GABRG3: variants seen among roughly 807,000 people sequenced by gnomAD.
The protein encoded by GABRG3 is gamma-aminobutyric acid type A receptor subunit gamma3.
In GABRG3, 25 loss-of-function variants were observed where a neutral mutation model predicts 48.8. The ratio of observed to expected loss-of-function variants is 0.51; its 90% confidence interval spans 0.37 to 0.72. GABRG3 has a LOEUF of 0.72. GABRG3 is among the 30% of genes least tolerant of loss of function. The pLI, the probability that GABRG3 is intolerant of heterozygous loss-of-function variation, is 0.00. For synonymous variants in GABRG3, 227 were observed against 217.6 expected, an observed-to-expected ratio of 1.04 and a Z score of -0.38; for missense variants, 394 against 577.9, an observed-to-expected ratio of 0.68 and a Z score of 3.26.
chr15:27,093,669 T>A (rs993686105), intron 3 of GABRG3, among the ~76,000 whole-genome samples: 13 of 152,166 alleles, frequency 8.5e-5, no homozygotes, highest in African/African-American at 2.9e-4. Context: ...GATATCAGGC[T>A]AGAAAATTTT....
chr15:27,316,518 G>C (rs1051820739), intron 3 of GABRG3, among the ~76,000 whole-genome samples: 1 of 152,122 alleles, frequency 6.6e-6, no homozygotes, highest in Non-Finnish European at 1.5e-5. Flanking sequence ...AAGGTCATTG[G>C]TCAGATTAAA....
intron 5 of GABRG3, among the ~76,000 whole-genome samples, chr15:27,375,671 A>ATTT (rs1895571941): frequency 1.3e-5 from 2 of 152,182 alleles, no homozygotes; most frequent in South Asian, 4.1e-4. Flanking sequence ...GGAGACTCCC[A>ATTT]TTTTTAAAAC....
intron 3 of GABRG3, among the ~76,000 whole-genome samples, chr15:27,307,800 T>C (rs1249700806): frequency 1.6e-5 from 2 of 128,056 alleles, no homozygotes; most frequent in African/African-American, 5.7e-5. Flanking sequence ...ATATATAAAA[T>C]AAACATAAAC....
chr15:26,987,443 T>A (rs1895173030), intron 2 of GABRG3, among the ~76,000 whole-genome samples: 1 of 152,242 alleles, frequency 6.6e-6, no homozygotes, highest in South Asian at 2.1e-4. Context: ...GATCCTCTTA[T>A]GAAGTATTAC....
intron 3 of GABRG3, among the ~76,000 whole-genome samples, chr15:27,029,593 T>C (rs55833084): frequency 2.6e-5 from 4 of 152,170 alleles, no homozygotes; most frequent in African/African-American, 9.7e-5. Flanking sequence ...ATGTTCTCCT[T>C]GGGTGAGTTG....
intron 6 of GABRG3, among the ~76,000 whole-genome samples, chr15:27,516,677 A>C (rs1891026856): frequency 6.6e-6 from 1 of 152,228 alleles, no homozygotes; most frequent in Non-Finnish European, 1.5e-5. Context: ...ACTGAGAGCA[A>C]ATAAATGCAT....
chr15:27,246,616 T>C lies in GABRG3; in HGVS notation c.271-80193T>C, dbSNP rs1313628019. 4.6e-5 allele frequency among the ~76,000 whole-genome samples: 7 copies of C among 152,204 alleles called. No homozygotes were observed. The East Asian group carries it at 1.3e-3, about 29-fold the overall frequency. ...TTTTTTATGTTGGCTTTAAGTAATA[T>C]CAAATTTGGGCAAATGTTATAGTTA... On this transcript the variant is annotated intron_variant, in intron 3 of 9. Coordinates refer to ENST00000615808, the MANE Select transcript of GABRG3 (RefSeq NM_033223.5).
chr15:27,135,219 T>C (rs1595544178), intron 3 of GABRG3, among the ~76,000 whole-genome samples: 1 of 152,216 alleles, frequency 6.6e-6, no homozygotes, highest in Non-Finnish European at 1.5e-5. Flanking sequence ...GGGATTGATA[T>C]ATGGCATATG....
chr15:27,217,744 C>T (rs1889309801), intron 3 of GABRG3, among the ~76,000 whole-genome samples: 3 of 152,230 alleles, frequency 2.0e-5, no homozygotes, highest in African/African-American at 7.2e-5. Context: ...ACATTCTACT[C>T]TCAACATAGG....
At chr15:27,467,692 C>T (rs1303778792) in intron 5 of GABRG3, among the ~76,000 whole-genome samples, 1 of 152,196 alleles carries the variant, frequency 6.6e-6, no homozygotes. Context: ...ACCTCATGTG[C>T]CAGTTATTCC....
At chr15:27,217,068 G>C (rs371189187) in intron 3 of GABRG3, among the ~76,000 whole-genome samples, 2 of 149,130 alleles carry the variant, frequency 1.3e-5, no homozygotes, top group Non-Finnish European at 3.0e-5. Context: ...GAGAATGATG[G>C]TTTCCAATTT....
chr15:27,130,388 G>T (rs976607389), intron 3 of GABRG3, among the ~76,000 whole-genome samples: 5 of 151,976 alleles, frequency 3.3e-5, no homozygotes, highest in African/African-American at 1.2e-4. Flanking sequence ...TGGGCTCTTT[G>T]TTCCACTGGT....
chr15:27,444,409 C>G (rs992009146), intron 5 of GABRG3, among the ~76,000 whole-genome samples: 1 of 152,114 alleles, frequency 6.6e-6, no homozygotes, highest in Non-Finnish European at 1.5e-5. Flanking sequence ...TTTATTTTCT[C>G]TTAAAGTCCA....
chr15:27,169,226 A>T (rs1322595754), intron 3 of GABRG3, among the ~76,000 whole-genome samples: 1 of 152,250 alleles, frequency 6.6e-6, no homozygotes, highest in South Asian at 2.1e-4. Flanking sequence ...TTATCTGATT[A>T]GTAAAGGCAG....
intron 2 of GABRG3, among the ~76,000 whole-genome samples, chr15:27,013,457 AATG>A (rs1161057883): frequency 3.3e-5 from 5 of 152,136 alleles, no homozygotes; most frequent in Non-Finnish European, 5.9e-5. Flanking sequence ...AATTCAATAT[AATG>A]ATCTTTTCCA....
intron 2 of GABRG3, among the ~76,000 whole-genome samples, chr15:26,981,008 A>G (rs985821834): frequency 6.6e-6 from 1 of 152,182 alleles, no homozygotes; most frequent in African/African-American, 2.4e-5. Context: ...AATAATCTGT[A>G]CAACAAATTT....
At chr15:27,029,245 C>T (rs1229016238) in intron 3 of GABRG3, among the ~76,000 whole-genome samples, 4 of 152,142 alleles carry the variant, frequency 2.6e-5, no homozygotes, top group Non-Finnish European at 2.9e-5. Flanking sequence ...GCAGCTGGCA[C>T]GCAGCCCTGG....
chr15:27,143,191 A>G (rs1459253288), intron 3 of GABRG3, among the ~76,000 whole-genome samples: 1 of 152,042 alleles, frequency 6.6e-6, no homozygotes, highest in East Asian at 1.9e-4. Context: ...TGATCCTCCC[A>G]CTTCAGCCTC....
chr15:27,519,503 A>G (rs1403306501), intron 6 of GABRG3, among the ~76,000 whole-genome samples: 2 of 152,244 alleles, frequency 1.3e-5, no homozygotes, highest in Admixed American at 6.5e-5. Context: ...GCAAAACTTA[A>G]AGATATAAAT....
Sources: allele counts gnomAD v4.1 joint callset (sites outside exome capture counted in the v4.1 genomes callset), GRCh38; gene constraint gnomAD v4.1.1; transcripts MANE v1.5; gene names NCBI Gene and HGNC (gene_info 2026-07-23, HGNC 2026-07-21).